CACNA2D2: variants seen among roughly 807,000 people sequenced by gnomAD.
CACNA2D2 encodes the protein calcium voltage-gated channel auxiliary subunit alpha2delta 2, also known as voltage-dependent calcium channel subunit alpha-2/delta-2.
Under a neutral mutation model 166.4 loss-of-function variants are expected in CACNA2D2, and 48 were observed. The observed-to-expected ratio is 0.29, with a 90% CI of 0.23 to 0.37. CACNA2D2 has a LOEUF of 0.37. CACNA2D2 is among the 10% of genes least tolerant of loss of function. The pLI is 1.00. For synonymous variants in CACNA2D2, 561 were observed against 573.7 expected (o/e 0.98, Z 0.32); for missense variants, 1,122 against 1,433.0 (o/e 0.78, Z 3.50).
intron 3 of CACNA2D2, among the ~76,000 whole-genome samples, chr3:50,426,551 G>C (rs1360316814): frequency 6.6e-6 from 1 of 152,188 alleles, no homozygotes; most frequent in Non-Finnish European, 1.5e-5. Context: ...CAGCCACTAG[G>C]GAGAATTCGG....
chr3:50,470,598 G>GT (rs1710031330), intron 2 of CACNA2D2, among the ~76,000 whole-genome samples: 3 of 121,460 alleles, frequency 2.5e-5, no homozygotes, highest in Non-Finnish European at 5.2e-5. Flanking sequence ...GGGGGAGGGG[G>GT]CGGGGGGGGG....
intron 2 of CACNA2D2, among the ~76,000 whole-genome samples, chr3:50,459,668 A>T (rs1484195141): frequency 6.6e-6 from 1 of 152,186 alleles, no homozygotes; most frequent in African/African-American, 2.4e-5. Context: ...AGCCCCTCAG[A>T]ACTCCAGCCA....
chr3:50,399,923 G>A (rs1196196493), intron 3 of CACNA2D2, among the ~76,000 whole-genome samples: 1 of 152,150 alleles, frequency 6.6e-6, no homozygotes. Context: ...GCCCCCACAA[G>A]CCTTGGTATC....
rs1704045721 is a variant in CACNA2D2, at chr3:50,363,565, T to C, written c.*1101A>G. On this transcript the variant is annotated 3_prime_UTR_variant, in exon 38 of 38. Coordinates refer to ENST00000424201, the MANE Select transcript of CACNA2D2 (RefSeq NM_006030.4). ...GTAGGGGTGGGAAGGAGATAGGGAG[T>C]GGGCACAGGCCTGAGTGTGTAAGGG... 3.2e-6 allele frequency: 1 copy of C among 310,916 alleles called. No homozygotes were observed. The highest frequency in any genetic ancestry group is 5.4e-5 in the East Asian group (1 of 18,412). 19.3% of individuals were successfully genotyped at this position (310,916 alleles called of 1,614,324 possible). A position where few individuals can be genotyped will look rare whatever the true frequency, so the allele number is the denominator to read the frequency against.
At chr3:50,393,490 C>T (rs549671206) in intron 4 of CACNA2D2, among the ~76,000 whole-genome samples, 2 of 152,360 alleles carry the variant, frequency 1.3e-5, no homozygotes, top group African/African-American at 4.8e-5. Context: ...GTGAGGGCAA[C>T]TCAGGCCTAG....
intron 1 of CACNA2D2, among the ~76,000 whole-genome samples, chr3:50,501,672 C>A (rs1698969319): frequency 6.6e-6 from 1 of 152,178 alleles, no homozygotes; most frequent in Admixed American, 6.5e-5. Flanking sequence ...CCACTTAAAC[C>A]TTCACTCAAG....
chr3:50,471,172 G>A (rs970088913), intron 2 of CACNA2D2, among the ~76,000 whole-genome samples: 2 of 152,048 alleles, frequency 1.3e-5, no homozygotes, highest in Non-Finnish European at 2.9e-5. Flanking sequence ...TGGAGGCTGC[G>A]TGATGAGCAA....
intron 2 of CACNA2D2, among the ~76,000 whole-genome samples, chr3:50,466,661 G>C (rs1709840590): frequency 6.6e-6 from 1 of 152,220 alleles, no homozygotes; most frequent in African/African-American, 2.4e-5. Flanking sequence ...CACCTCACAT[G>C]AGCCTCAGCA....
At chr3:50,421,397 G>C (rs1707555576) in intron 3 of CACNA2D2, among the ~76,000 whole-genome samples, 1 of 151,992 alleles carries the variant, frequency 6.6e-6, no homozygotes, top group Admixed American at 6.5e-5. Context: ...TGGTGCAACT[G>C]GTGCAGTTGC....
intron 3 of CACNA2D2, among the ~76,000 whole-genome samples, chr3:50,434,023 C>T (rs986445267): frequency 6.6e-6 from 1 of 152,190 alleles, no homozygotes; most frequent in Non-Finnish European, 1.5e-5. Context: ...ATGGGAAAAC[C>T]CCAGGCCCGG....
intron 2 of CACNA2D2, among the ~76,000 whole-genome samples, chr3:50,448,185 T>G (rs1465283734): frequency 6.6e-6 from 1 of 152,176 alleles, no homozygotes; most frequent in Non-Finnish European, 1.5e-5. Context: ...CAGGCCCCTT[T>G]ACCAGTTAGG....
intron 6 of CACNA2D2, among the ~76,000 whole-genome samples, chr3:50,383,572 C>T (rs1045349325): frequency 6.7e-6 from 1 of 149,888 alleles, no homozygotes; most frequent in African/African-American, 2.4e-5. Context: ...ATAGTGACCT[C>T]GTTTCCCCAT....
chr3:50,445,025 G>C (rs1041379216), intron 2 of CACNA2D2, among the ~76,000 whole-genome samples: 1 of 152,202 alleles, frequency 6.6e-6, no homozygotes, highest in Non-Finnish European at 1.5e-5. Flanking sequence ...AGGTACCATA[G>C]CCTAGATGGG....
At chr3:50,428,144 T>C (rs2106867036) in intron 3 of CACNA2D2, among the ~76,000 whole-genome samples, 1 of 152,274 alleles carries the variant, frequency 6.6e-6, no homozygotes, top group South Asian at 2.1e-4. Flanking sequence ...CATTTGGCGG[T>C]ATTTAGAAAT....
intron 1 of CACNA2D2, among the ~76,000 whole-genome samples, chr3:50,478,015 T>C (rs1442853737): frequency 1.3e-5 from 2 of 151,970 alleles, no homozygotes; most frequent in African/African-American, 2.4e-5. Flanking sequence ...AGATCACTAA[T>C]TGCAATTTGC....
intron 1 of CACNA2D2, among the ~76,000 whole-genome samples, chr3:50,494,902 C>T (rs979193891): frequency 6.6e-6 from 1 of 152,176 alleles, no homozygotes; most frequent in Non-Finnish European, 1.5e-5. Flanking sequence ...TCTTCAACTC[C>T]TGGGCTCAAG....
chr3:50,394,350 C>T (rs1706042061), intron 3 of CACNA2D2, among the ~76,000 whole-genome samples, 182 bp from the exon 4 acceptor site: 1 of 152,156 alleles, frequency 6.6e-6, no homozygotes, highest in Non-Finnish European at 1.5e-5. Context: ...GCTGTGTGGG[C>T]ACCTCCTTGA....
chr3:50,458,506 C>T (rs1709463517), intron 2 of CACNA2D2, among the ~76,000 whole-genome samples: 2 of 152,182 alleles, frequency 1.3e-5, no homozygotes, highest in African/African-American at 4.8e-5. Flanking sequence ...CCGGGCTTGC[C>T]TACCCACTTA....
chr3:50,364,868 C>A lies in CACNA2D2; in HGVS notation c.3291+20G>T, dbSNP rs1704139952. On this transcript the variant is annotated intron_variant, in intron 37 of 37. Coordinates refer to ENST00000424201, the MANE Select transcript of CACNA2D2 (RefSeq NM_006030.4). Reference sequence around the variant, plus strand: ...GGCGCAAGGCCGCGGGATTTCGGGTCCACCGCCCCCTCTCCTCACTGTCGC... The same window carrying A: ...GGCGCAAGGCCGCGGGATTTCGGGTACACCGCCCCCTCTCCTCACTGTCGC... The A allele has an allele frequency of 1.2e-6, 2 of 1,613,336 alleles. No homozygotes were observed. Among genetic ancestry groups the A allele is most frequent in the East Asian group, 2.2e-5 (1 of 44,870 alleles).
Sources: allele counts gnomAD v4.1 joint callset (sites outside exome capture counted in the v4.1 genomes callset), GRCh38; gene constraint gnomAD v4.1.1; transcripts MANE v1.5; gene names NCBI Gene and HGNC (gene_info 2026-07-23, HGNC 2026-07-21).